The following ARHGAP10 variants were observed in gnomAD, a reference collection of about 807,000 sequenced individuals.
ARHGAP10 encodes rho GTPase-activating protein 10.
In ARHGAP10, 87 loss-of-function variants were observed where a neutral mutation model predicts 108.6. That is an observed-to-expected ratio of 0.80 (90% CI 0.67 to 0.96). The LOEUF is 0.96. Ranked by LOEUF, ARHGAP10 falls within the 40% of genes least tolerant of loss-of-function variation. ARHGAP10 has a pLI of 0.00. For synonymous variants in ARHGAP10, 347 were observed against 341.1 expected, an observed-to-expected ratio of 1.02 and a Z score of -0.19; for missense variants, 939 against 954.5, an observed-to-expected ratio of 0.98 and a Z score of 0.21.
At chr4:147,786,791 G>T (rs1730909785) in intron 1 of ARHGAP10, among the ~76,000 whole-genome samples, 1 of 152,184 alleles carries the variant, frequency 6.6e-6, no homozygotes, top group Admixed American at 6.5e-5. Flanking sequence ...TGGAGGAAAG[G>T]TGGGTTACAG....
rs559809056 is a variant in ARHGAP10, at chr4:147,804,467, G to A, written c.155-18260G>A. 5.3e-5 allele frequency among the ~76,000 whole-genome samples: 8 copies of A among 152,304 alleles called. No homozygotes were observed. The South Asian group carries it at 1.7e-3, about 32-fold the overall frequency. The stretch of plus-strand genomic sequence containing the variant: ...GAATAGTGCTGCGATGAACATAAAT[G>A]TATGTGTGTCTTTATGGTAGAATGA... On this transcript the variant is annotated intron_variant, in intron 1 of 22. Transcript: ENST00000336498.
intron 1 of ARHGAP10, among the ~76,000 whole-genome samples, chr4:147,756,310 G>C (rs1729370847): frequency 6.6e-6 from 1 of 152,058 alleles, no homozygotes; most frequent in African/African-American, 2.4e-5. Flanking sequence ...GGAAGGTGTG[G>C]GTGGTGGGGG....
chr4:148,046,998 C>T lies in ARHGAP10; in HGVS notation c.1974C>T (p.Asp658=), dbSNP rs149308358. 4 of 1,614,066 alleles carry T rather than the reference C, an allele frequency of 2.5e-6. No homozygotes were observed. The East Asian group carries it at 6.7e-5, about 27-fold the overall frequency. The change falls in exon 20 of 23, where the codon GAC becomes GAT. Residue 658 remains aspartate, a synonymous_variant. Transcript: ENST00000336498. ...CTGTCCCTGGGCCTCCTGGACCAGA[C>T]AAAAACCACCTTCTGGCAGATGGAG... The part of the protein sequence containing the change: ...TTAVPGPPGP[D]KNHLLADGGS...
At chr4:147,848,540 G>A (rs1168312358) in intron 4 of ARHGAP10, among the ~76,000 whole-genome samples, 1 of 152,168 alleles carries the variant, frequency 6.6e-6, no homozygotes, top group Non-Finnish European at 1.5e-5. Context: ...TTATGATTTT[G>A]TTTTGATTGT....
Position 148,060,344 on chromosome 4 carries a change from A to ACTTTTTTTTTTTT in ARHGAP10, c.2028-2804_2028-2803insCTTTTTTTTTTTT, listed in dbSNP as rs1411745355. ...TGGTTACATAACGAAGCTCATGTTTAGTTTTTTTTTTTTTTTTTTTTTGGC... is the reference window on the plus strand; with the variant it reads ...TGGTTACATAACGAAGCTCATGTTTACTTTTTTTTTTTTGTTTTTTTTTTTTTTTTTTTTTGGC... On this transcript the variant is annotated intron_variant, in intron 20 of 22. Transcript: ENST00000336498. Among the ~76,000 whole-genome samples, 5 of 120,844 alleles carry ACTTTTTTTTTTTT rather than the reference A, an allele frequency of 4.1e-5. 2 individuals are homozygous for ACTTTTTTTTTTTT. The highest frequency in any genetic ancestry group is 9.1e-5 in the African/African-American group (3 of 32,924). 79.3% of individuals were successfully genotyped at this position (120,844 alleles called of 152,430 possible). A position where few individuals can be genotyped will look rare whatever the true frequency, so the allele number is the denominator to read the frequency against.
At chr4:147,972,589 A>T (rs1217046410) in intron 18 of ARHGAP10, among the ~76,000 whole-genome samples, 1 of 152,128 alleles carries the variant, frequency 6.6e-6, no homozygotes, top group Non-Finnish European at 1.5e-5. Context: ...GGGGTAATAG[A>T]GGAGCCAGAA....
At chr4:147,927,643 G>A (rs1737513349) in intron 13 of ARHGAP10, among the ~76,000 whole-genome samples, 1 of 152,158 alleles carries the variant, frequency 6.6e-6, no homozygotes, top group Non-Finnish European at 1.5e-5. Context: ...CAAAGCTGGG[G>A]TTTGGAGCCT....
intron 1 of ARHGAP10, among the ~76,000 whole-genome samples, chr4:147,785,083 T>TTAA (rs1553949788): frequency 2.4e-4 from 29 of 118,790 alleles, no homozygotes; most frequent in Non-Finnish European, 3.0e-4. Flanking sequence ...GACTATTTTC[T>TTAA]AAAAAAAAAA....
Position 147,872,644 on chromosome 4 carries a change from T to C in ARHGAP10, c.703-2377T>C, listed in dbSNP as rs535021120. On this transcript the variant is annotated intron_variant, in intron 7 of 22. Transcript: ENST00000336498. ...AACAGAAATAGCTGATTACCACACATTTTGTGTGTTCTATGTATGATATAC... is the reference window on the plus strand; with the variant it reads ...AACAGAAATAGCTGATTACCACACACTTTGTGTGTTCTATGTATGATATAC... Among the ~76,000 whole-genome samples, 6 of 152,332 alleles carry C rather than the reference T, an allele frequency of 3.9e-5. No individual in the cohort carries two copies. The South Asian group carries it at 1.2e-3, about 32-fold the overall frequency.
chr4:147,844,984 G>A (rs964269893), intron 3 of ARHGAP10, among the ~76,000 whole-genome samples: 2 of 152,090 alleles, frequency 1.3e-5, no homozygotes, highest in Non-Finnish European at 2.9e-5. Flanking sequence ...CACAAGGCCC[G>A]GCACGCTCTG....
chr4:147,776,586 C>A (rs889554490), intron 1 of ARHGAP10, among the ~76,000 whole-genome samples: 10 of 152,122 alleles, frequency 6.6e-5, no homozygotes, highest in Admixed American at 1.3e-4. Context: ...CAGAGACTTA[C>A]CTGTGGGGCT....
intron 1 of ARHGAP10, among the ~76,000 whole-genome samples, chr4:147,816,163 C>T (rs1172734761): frequency 6.6e-6 from 1 of 152,156 alleles, no homozygotes; most frequent in Non-Finnish European, 1.5e-5. Flanking sequence ...CAGGTACTCT[C>T]TCCAGACAGT....
At position 147,758,133 on chromosome 4, in the gene ARHGAP10, C is replaced by A. The variant is rs113330172; in HGVS notation, c.154+25678C>A. Among the ~76,000 whole-genome samples the A allele has an allele frequency of 9.6e-3, 1,461 of 152,258 alleles. 31 individuals are homozygous for A. Among genetic ancestry groups the A allele is most frequent in the African/African-American group, 0.033 (1,376 of 41,538 alleles). On this transcript the variant is annotated intron_variant, in intron 1 of 22. Coordinates refer to ENST00000336498, the MANE Select transcript of ARHGAP10 (RefSeq NM_024605.4). ...CAAAAATTAGCTGGGCGTGGTAGCA[C>A]ATGCCTATAATCCTAGCTACTTGGG...
At position 147,915,328 on chromosome 4, in the gene ARHGAP10, C is replaced by G. The variant is rs574719545; in HGVS notation, c.1228+2189C>G. 2.6e-5 allele frequency among the ~76,000 whole-genome samples: 4 copies of G among 152,316 alleles called. No individual in the cohort carries two copies. In the South Asian group the frequency reaches 8.3e-4, roughly 32 times the overall value. On this transcript the variant is annotated intron_variant, in intron 13 of 22. Transcript: ENST00000336498. ...CAATTTGTTTCTTATCCTGGTACCT[C>G]GAAAGAATTTCAGAAAAAATCCCTG...
rs1476823799 is a variant in ARHGAP10 at position 148,072,242 on chromosome 4, A to G, written c.*161A>G. ...GCCCTGGGGGTGGGGGGTGGTGGGC[A>G]GGGATGGGACGCACCACACAGAACT... On this transcript the variant is annotated 3_prime_UTR_variant, in exon 23 of 23. Transcript: ENST00000336498. 2 of 361,650 alleles carry G rather than the reference A, an allele frequency of 5.5e-6. No individual in the cohort carries two copies. Among genetic ancestry groups the G allele is most frequent in the African/African-American group, 2.2e-5 (1 of 45,906 alleles). The allele number at this position is 361,650 out of a possible 1,614,324, so 22.4% of individuals were successfully genotyped here.
At chr4:148,021,921 G>A (rs1437192033) in intron 18 of ARHGAP10, among the ~76,000 whole-genome samples, 1 of 152,126 alleles carries the variant, frequency 6.6e-6, no homozygotes. Flanking sequence ...ACACATGAGG[G>A]GGCAGTATGG....
At chr4:148,053,656 C>G (rs1457511435) in intron 20 of ARHGAP10, among the ~76,000 whole-genome samples, 1 of 152,180 alleles carries the variant, frequency 6.6e-6, no homozygotes, top group East Asian at 1.9e-4. Flanking sequence ...TCTACCATCA[C>G]ATTGTCTATT....
intron 18 of ARHGAP10, among the ~76,000 whole-genome samples, chr4:147,997,447 C>G (rs747126044): frequency 1.3e-5 from 2 of 152,050 alleles, no homozygotes; most frequent in African/African-American, 2.4e-5. Flanking sequence ...AACAACATTT[C>G]AAAACAAATG....
rs762949964 is a variant in ARHGAP10 at position 147,906,761 on chromosome 4, G to A, written c.1116+42G>A. The A allele has an allele frequency of 4.4e-6, 7 of 1,602,292 alleles. No individual in the cohort carries two copies. The African/African-American group carries it at 5.4e-5, about 12-fold the overall frequency. On this transcript the variant is annotated intron_variant, in intron 11 of 22. Coordinates refer to ENST00000336498, the MANE Select transcript of ARHGAP10 (RefSeq NM_024605.4). ...GTTGAGTTTTATTTCAAAGCCTTTA[G>A]AGTTGACTTGCATTCATTTTTATGT...
Sources: allele counts gnomAD v4.1 joint callset (sites outside exome capture counted in the v4.1 genomes callset), GRCh38; gene constraint gnomAD v4.1.1; transcripts MANE v1.5; gene names NCBI Gene and HGNC (gene_info 2026-07-23, HGNC 2026-07-21).